The following DLGAP4 variants were observed in gnomAD, a reference collection of about 807,000 sequenced individuals.
The protein encoded by DLGAP4 is DLG associated protein 4.
In DLGAP4, 18 loss-of-function variants were observed where a neutral mutation model predicts 86.9. The observed-to-expected ratio is 0.21, with a 90% CI of 0.14 to 0.31. The LOEUF (loss-of-function observed/expected upper bound fraction) is 0.31, where lower values mean the gene tolerates loss of function less well. Among genes scored for constraint, DLGAP4 ranks in the 10% least tolerant of loss-of-function variants. The pLI is 1.00. For missense variants in DLGAP4, 1,085 were observed against 1,362.6 expected, an observed-to-expected ratio of 0.80 and a Z score of 3.21; for synonymous variants, 548 against 574.3, an observed-to-expected ratio of 0.95 and a Z score of 0.65.
intron 2 of DLGAP4, among the ~76,000 whole-genome samples, chr20:36,373,698 T>G (rs1445667845): frequency 6.6e-6 from 1 of 152,134 alleles, no homozygotes; most frequent in East Asian, 1.9e-4. Context: ...TTGCCCAAGA[T>G]GCATGGTTTT....
intron 10 of DLGAP4, among the ~76,000 whole-genome samples, chr20:36,517,756 T>C (rs530559584): frequency 1.3e-5 from 2 of 152,316 alleles, no homozygotes; most frequent in African/African-American, 4.8e-5. Context: ...ATTTATGATA[T>C]ATTATTTTAG....
intron 2 of DLGAP4, among the ~76,000 whole-genome samples, chr20:36,413,717 C>T (rs1456207925): frequency 6.6e-6 from 1 of 152,148 alleles, no homozygotes; most frequent in East Asian, 1.9e-4. Context: ...CCGCGCCCGG[C>T]CTATTCTGGA....
intron 1 of DLGAP4, among the ~76,000 whole-genome samples, chr20:36,331,107 C>T (rs1020786378): frequency 8.5e-5 from 13 of 152,222 alleles, no homozygotes; most frequent in African/African-American, 3.1e-4. Flanking sequence ...GGAGGCCACC[C>T]CATTTCCCTG....
At chr20:36,367,915 C>G (rs1408354868) in intron 2 of DLGAP4, among the ~76,000 whole-genome samples, 1 of 152,184 alleles carries the variant, frequency 6.6e-6, no homozygotes, top group Non-Finnish European at 1.5e-5. Flanking sequence ...GCATAACAAT[C>G]TAGTTCACAG....
At chr20:36,360,326 G>A (rs925640150) in intron 1 of DLGAP4, among the ~76,000 whole-genome samples, 3 of 152,156 alleles carry the variant, frequency 2.0e-5, no homozygotes, top group Non-Finnish European at 4.4e-5. Flanking sequence ...CCTCCAGGCC[G>A]TGTGGAGCCA....
intron 7 of DLGAP4, among the ~76,000 whole-genome samples, chr20:36,495,421 C>T (rs1349014594): frequency 6.6e-6 from 1 of 152,176 alleles, no homozygotes; most frequent in Admixed American, 6.5e-5. Context: ...TTATCTGGCT[C>T]ATGGGCCCAG....
At chr20:36,499,994 T>TGTGC (rs1214115400) in intron 9 of DLGAP4, among the ~76,000 whole-genome samples, 1 of 152,086 alleles carries the variant, frequency 6.6e-6, no homozygotes, top group Non-Finnish European at 1.5e-5. Flanking sequence ...CTCGTGTGTG[T>TGTGC]GTGCGTGTGG....
intron 10 of DLGAP4, among the ~76,000 whole-genome samples, chr20:36,505,059 C>T (rs1183145808): frequency 1.3e-5 from 2 of 151,474 alleles, no homozygotes; most frequent in East Asian, 3.9e-4. Context: ...GTGATCTTGG[C>T]TCACTGCAAC....
chr20:36,458,722 GA>G (rs2033947158), intron 7 of DLGAP4, among the ~76,000 whole-genome samples: 1 of 151,966 alleles, frequency 6.6e-6, no homozygotes, highest in African/African-American at 2.4e-5. Flanking sequence ...AAAAGAAAAA[GA>G]AAAAAAGACT....
At chr20:36,400,101 T>C (rs1253976195) in intron 2 of DLGAP4, among the ~76,000 whole-genome samples, 7 of 152,222 alleles carry the variant, frequency 4.6e-5, no homozygotes, top group Non-Finnish European at 1.0e-4. Flanking sequence ...AACTCCCTGA[T>C]CCTGGACCCT....
At position 36,500,669 on chromosome 20, in the gene DLGAP4, A is replaced by G; in HGVS notation, c.2512+58A>G. On this transcript the variant is annotated intron_variant, in intron 10 of 12. Coordinates refer to ENST00000339266, the MANE Select transcript of DLGAP4 (RefSeq NM_001365621.2). This position sits in a 1 kb window ranked among gnomAD's most constrained non-coding sequence, Gnocchi z 4.6. Reference sequence around the variant, plus strand: ...GTAGAAGGTGTTGGCAGCTGGTTTCAGCTGGTGGCCAGCAGCTTCCGAACT... The same window carrying G: ...GTAGAAGGTGTTGGCAGCTGGTTTCGGCTGGTGGCCAGCAGCTTCCGAACT... 2.9e-6 allele frequency: 4 copies of G among 1,384,636 alleles called. No homozygotes were observed. The highest frequency in any genetic ancestry group is 3.8e-6 in the Non-Finnish European group (4 of 1,064,192). 85.8% of individuals were successfully genotyped at this position (1,384,636 alleles called of 1,614,324 possible).
chr20:36,502,340 T>C (rs182207117), intron 10 of DLGAP4, among the ~76,000 whole-genome samples: 4 of 152,296 alleles, frequency 2.6e-5, no homozygotes, highest in Admixed American at 2.6e-4. Context: ...TACACTCCAT[T>C]TGCTAAATTT....
chr20:36,322,336 G>T (rs921010596), intron 1 of DLGAP4, among the ~76,000 whole-genome samples: 1 of 152,204 alleles, frequency 6.6e-6, no homozygotes, highest in Non-Finnish European at 1.5e-5. Context: ...GATGGCGGGG[G>T]CCAGACGGTA....
chr20:36,405,792 C>A (rs2032300648), intron 2 of DLGAP4, among the ~76,000 whole-genome samples: 1 of 152,052 alleles, frequency 6.6e-6, no homozygotes, highest in South Asian at 2.1e-4. Flanking sequence ...TGGTGACACA[C>A]CCATGTTAGG....
At chr20:36,462,319 T>G (rs1343400232) in intron 7 of DLGAP4, 1 of 1,348,514 alleles carries the variant, frequency 7.4e-7, no homozygotes, top group African/African-American at 1.5e-5. Flanking sequence ...CCCCCACTTC[T>G]CGGGATCGGG....
At position 36,314,963 on chromosome 20, in the gene DLGAP4, GTGT is replaced by G. The variant is rs2065082842; in HGVS notation, c.-304+8453_-304+8455del. Among the ~76,000 whole-genome samples, 3 of 116,086 alleles carry G rather than the reference GTGT, an allele frequency of 2.6e-5. No homozygotes were observed. The South Asian group carries it at 1.0e-3, about 40-fold the overall frequency. 76.2% of individuals were successfully genotyped at this position (116,086 alleles called of 152,430 possible). A position where few individuals can be genotyped will look rare whatever the true frequency, so the allele number is the denominator to read the frequency against. On this transcript the variant is annotated intron_variant, in intron 1 of 12. Coordinates refer to ENST00000339266, the MANE Select transcript of DLGAP4 (RefSeq NM_001365621.2). ...GCTGTGTGTGATGTGTGTTTGTGGT[GTGT>G]TATCTATGGTGTGTGGTGTGTGTGT...
intron 10 of DLGAP4, among the ~76,000 whole-genome samples, chr20:36,509,679 GAGTAAGGCTAT>G (rs2036579890): frequency 6.6e-6 from 1 of 152,146 alleles, no homozygotes; most frequent in African/African-American, 2.4e-5. Flanking sequence ...GAGTGTGGGA[GAGTAAGGCTAT>G]AGTGAGGTAT....
At chr20:36,373,760 C>T (rs577508733) in intron 2 of DLGAP4, among the ~76,000 whole-genome samples, 6 of 152,180 alleles carry the variant, frequency 3.9e-5, no homozygotes, top group African/African-American at 1.2e-4. Context: ...TGGCCAGGTG[C>T]GGTGGCTCAT....
chr20:36,307,323 T>C (rs2065013407), intron 1 of DLGAP4, among the ~76,000 whole-genome samples: 1 of 152,198 alleles, frequency 6.6e-6, no homozygotes, highest in African/African-American at 2.4e-5. Flanking sequence ...GTGCTGGGCC[T>C]GCTGGAAGGG....
Sources: gnomAD v4.1 joint callset for allele counts (sites outside exome capture counted in the v4.1 genomes callset) on GRCh38, gnomAD v4.1.1 for gene constraint, Gnocchi (gnomAD v3.1) non-coding constraint, MANE v1.5 for transcripts, NCBI Gene and HGNC (gene_info 2026-07-23, HGNC 2026-07-21) for gene names.